The following ITK variants were observed in gnomAD, a reference collection of about 807,000 sequenced individuals.
The protein encoded by ITK is IL2 inducible T cell kinase.
In ITK, 45 loss-of-function variants were observed where a neutral mutation model predicts 87.6. That is an observed-to-expected ratio of 0.51 (90% CI 0.40 to 0.66). The LOEUF (loss-of-function observed/expected upper bound fraction) is 0.66, where lower values mean the gene tolerates loss of function less well. Among genes scored for constraint, ITK ranks in the 30% least tolerant of loss-of-function variants. The pLI is 0.00. For missense variants in ITK, 605 were observed against 766.3 expected (o/e 0.79, Z 2.48); for synonymous variants, 303 against 273.6 (o/e 1.11, Z -1.06).
chr5:157,222,607 T>C (rs752119238), intron 5 of ITK: 22 of 520,126 alleles, frequency 4.2e-5, no homozygotes, highest in Non-Finnish European at 7.3e-5. Flanking sequence ...ATAGTGCAGA[T>C]AGAGAAACCA....
chr5:157,229,636 G>A (rs1234402814), intron 7 of ITK, among the ~76,000 whole-genome samples: 3 of 152,302 alleles, frequency 2.0e-5, no homozygotes, highest in Non-Finnish European at 2.9e-5. Flanking sequence ...TAAAGAGGTC[G>A]GGCGCAGTGG....
intron 9 of ITK, 79 bp downstream of exon 9, chr5:157,238,270 T>C: frequency 1.8e-6 from 2 of 1,087,052 alleles, no homozygotes; most frequent in Non-Finnish European, 1.4e-6. Context: ...GACAACAAAG[T>C]TAGACAGTGC....
chr5:157,195,506 G>A (rs557454752), intron 1 of ITK: 5 of 151,810 alleles, frequency 3.3e-5, no homozygotes, highest in East Asian at 3.9e-4. Flanking sequence ...ATGGCCTTTC[G>A]CCATGTGGCA....
intron 1 of ITK, among the ~76,000 whole-genome samples, chr5:157,183,144 A>T (rs1753571685): frequency 6.6e-6 from 1 of 152,056 alleles, no homozygotes; most frequent in African/African-American, 2.4e-5. Flanking sequence ...TTATTATAGA[A>T]GTTTATTAAT....
chr5:157,234,320 TCTC>T (rs1754732906), intron 8 of ITK, among the ~76,000 whole-genome samples: 3 of 152,066 alleles, frequency 2.0e-5, no homozygotes, highest in South Asian at 2.1e-4. Context: ...CAAATTCTCT[TCTC>T]CTCCTTAGGT....
intron 1 of ITK, among the ~76,000 whole-genome samples, chr5:157,192,963 A>G (rs1254770530): frequency 6.6e-6 from 1 of 152,172 alleles, no homozygotes; most frequent in African/African-American, 2.4e-5. Flanking sequence ...CATTTGTAAT[A>G]CCAACACTTT....
At chr5:157,201,247 G>A (rs1753966695) in intron 1 of ITK, among the ~76,000 whole-genome samples, 1 of 150,930 alleles carries the variant, frequency 6.6e-6, no homozygotes, top group Non-Finnish European at 1.5e-5. Flanking sequence ...ATACTTAATG[G>A]TGAAAGACTG....
At position 157,206,318 on chromosome 5, in the gene ITK, C is replaced by T. The variant is rs61129270; in HGVS notation, c.139-2571C>T. Among the ~76,000 whole-genome samples the T allele has an allele frequency of 4.6e-3, 697 of 152,076 alleles. 5 individuals are homozygous for T. The highest frequency in any genetic ancestry group is 0.016 in the African/African-American group (647 of 41,476). The stretch of plus-strand genomic sequence containing the variant: ...AGTATTTTCTTGAGAATTTTTGCTT[C>T]GATGTTCATCAATATTGGCCTGAAG... On this transcript the variant is annotated intron_variant, in intron 1 of 16. Transcript: ENST00000422843.
intron 1 of ITK, among the ~76,000 whole-genome samples, chr5:157,184,877 A>T (rs1192932522): frequency 9.2e-5 from 14 of 152,162 alleles, no homozygotes; most frequent in Admixed American, 9.2e-4. Context: ...CCCCTTAGGG[A>T]TCAAGTGTGC....
intron 1 of ITK, among the ~76,000 whole-genome samples, chr5:157,202,897 C>T (rs1036142823): frequency 6.6e-6 from 1 of 152,168 alleles, no homozygotes; most frequent in Non-Finnish European, 1.5e-5. Flanking sequence ...ATTTTTATCC[C>T]TGTTCACAAT....
chr5:157,213,873 C>A (rs534387046), intron 3 of ITK, among the ~76,000 whole-genome samples: 3 of 152,298 alleles, frequency 2.0e-5, no homozygotes, highest in African/African-American at 7.2e-5. Context: ...CTTTGTAGAG[C>A]CCAGTGTTTA....
chr5:157,238,526 C>A (rs1050668809), intron 9 of ITK, among the ~76,000 whole-genome samples: 9 of 152,140 alleles, frequency 5.9e-5, no homozygotes, highest in African/African-American at 1.9e-4. Context: ...TATCTGGAAG[C>A]AAAAATATAT....
rs763414415 is a variant in ITK at position 157,211,319 on chromosome 5, T to C, written c.276T>C (p.Phe92=). 8 of 1,613,980 alleles carry C rather than the reference T, an allele frequency of 5.0e-6. No homozygotes were observed. Among genetic ancestry groups the C allele is most frequent in the Non-Finnish European group, 6.8e-6 (8 of 1,179,972 alleles). Residue 92 remains phenylalanine (F), a synonymous_variant, in exon 3 of 17, where the codon TTT becomes TTC. Coordinates refer to ENST00000422843, the MANE Select transcript of ITK (RefSeq NM_005546.4). ...ATGACAACTACCTCCTATATGTGTT[T>C]GCTCCAGATCGTGAGAGCCGGCAGC... ...VVHDNYLLYV[F]APDRESRQRW... is the part of the protein sequence containing the mutation.
chr5:157,203,873 T>TAC (rs1464786545), intron 1 of ITK, among the ~76,000 whole-genome samples: 2 of 152,190 alleles, frequency 1.3e-5, no homozygotes, highest in African/African-American at 4.8e-5. Flanking sequence ...CCTTTATATA[T>TAC]ACCCTATAAA....
chr5:157,206,670 G>T (rs550421194), intron 1 of ITK, among the ~76,000 whole-genome samples: 1 of 152,172 alleles, frequency 6.6e-6, no homozygotes, highest in Non-Finnish European at 1.5e-5. Context: ...TAATATGTGT[G>T]CATAGAGGTG....
intron 1 of ITK, among the ~76,000 whole-genome samples, chr5:157,203,673 A>G (rs993939065): frequency 6.6e-6 from 1 of 152,234 alleles, no homozygotes; most frequent in Non-Finnish European, 1.5e-5. Flanking sequence ...GTGAAAAAAC[A>G]GGTTAACCAT....
Position 157,250,924 on chromosome 5 carries a change from A to G in ITK, c.1792-1683A>G, listed in dbSNP as rs191398631. ...TGGATATGCCACAGTTTGTTTATCT[A>G]TTTACCTGCCAAAGGAAATCTTGCT... On this transcript the variant is annotated intron_variant, in intron 16 of 16. Transcript: ENST00000422843. Among the ~76,000 whole-genome samples the G allele has an allele frequency of 9.3e-4, 141 of 152,272 alleles. 1 individual carries two copies. The Middle Eastern group carries it at 0.014, about 15-fold the overall frequency.
intron 8 of ITK, among the ~76,000 whole-genome samples, chr5:157,234,160 T>G (rs1225584207): frequency 6.6e-6 from 1 of 151,216 alleles, no homozygotes. Context: ...TTTGTATTTT[T>G]ACTAGAGACG....
rs77133237 is a variant in ITK, at chr5:157,186,380, A to G, written c.138+5265A>G. On this transcript the variant is annotated intron_variant, in intron 1 of 16. Coordinates refer to ENST00000422843, the MANE Select transcript of ITK (RefSeq NM_005546.4). ...GCTATGTGTCTTAAAAAAAAAAAAA[A>G]AGAGAGAGAGAGAGGCGGGCACGAT... Among the ~76,000 whole-genome samples the G allele has an allele frequency of 1.6e-3, 234 of 150,960 alleles. 1 individual carries two copies. The highest frequency in any genetic ancestry group is 2.5e-3 in the South Asian group (12 of 4,802).
Sources: allele counts gnomAD v4.1 joint callset (sites outside exome capture counted in the v4.1 genomes callset), GRCh38; gene constraint gnomAD v4.1.1; transcripts MANE v1.5; gene names NCBI Gene and HGNC (gene_info 2026-07-23, HGNC 2026-07-21).